The following ARMC8 variants were observed in gnomAD, a reference collection of about 807,000 sequenced individuals.
ARMC8 encodes armadillo repeat-containing protein 8.
In ARMC8, 20 loss-of-function variants were observed where a neutral mutation model predicts 99.3. The observed-to-expected ratio is 0.20, with a 90% CI of 0.14 to 0.29. The LOEUF is 0.29. Ranked by LOEUF, ARMC8 falls within the 10% of genes least tolerant of loss-of-function variation. ARMC8 has a pLI of 1.00. For synonymous variants in ARMC8, 263 were observed against 278.3 expected (o/e 0.95, Z 0.55); for missense variants, 569 against 809.5 (o/e 0.70, Z 3.60).
intron 15 of ARMC8, among the ~76,000 whole-genome samples, chr3:138,267,678 T>G (rs2048398452): frequency 6.6e-6 from 1 of 152,196 alleles, no homozygotes; most frequent in Non-Finnish European, 1.5e-5. Flanking sequence ...ATGGTAGTTG[T>G]TTGGGGAGGG....
chr3:138,216,063 T>C (rs1268045656), intron 2 of ARMC8, among the ~76,000 whole-genome samples: 2 of 150,692 alleles, frequency 1.3e-5, no homozygotes, highest in African/African-American at 4.9e-5. Flanking sequence ...TTTTTTTTTT[T>C]TTTTAAGTAG....
At chr3:138,215,264 T>G (rs777393977) in intron 2 of ARMC8, among the ~76,000 whole-genome samples, 76 of 152,116 alleles carry the variant, frequency 5.0e-4, no homozygotes, top group Non-Finnish European at 9.7e-4. Context: ...TTGCCCAGAC[T>G]GGAGTGCAAT....
In ARMC8 at chr3:138,271,798, C is replaced by CTTTTTTTTTTTTT. The variant is rs776320900; in HGVS notation, c.1480-1166_1480-1154dup. Among the ~76,000 whole-genome samples, 131 of 136,118 alleles carry CTTTTTTTTTTTTT rather than the reference C, an allele frequency of 9.6e-4. 1 individual carries two copies. Among genetic ancestry groups the CTTTTTTTTTTTTT allele is most frequent in the African/African-American group, 3.6e-3 (127 of 35,274 alleles). The allele number at this position is 136,118 out of a possible 152,430, so 89.3% of individuals were successfully genotyped here. ...AGTTCACAAGATTTTTTTTTTCTTT[C>CTTTTTTTTTTTTT]TTTTTTTTTTTTTTTGATACAGAGT... On this transcript the variant is annotated intron_variant, in intron 16 of 21. Coordinates refer to ENST00000469044, the MANE Select transcript of ARMC8 (RefSeq NM_001363941.2).
chr3:138,188,270 C>T (rs2043187643), intron 1 of ARMC8: 1 of 744,390 alleles, frequency 1.3e-6, no homozygotes, highest in Non-Finnish European at 2.0e-6. Context: ...CCTGGTATTC[C>T]GTTTTTCTTT....
intron 2 of ARMC8, among the ~76,000 whole-genome samples, chr3:138,220,617 G>A (rs113211389): frequency 6.6e-6 from 1 of 151,968 alleles, no homozygotes; most frequent in Non-Finnish European, 1.5e-5. Flanking sequence ...TCGTTACCAG[G>A]TTCTTTAATG....
intron 1 of ARMC8, chr3:138,187,862 C>T (rs2043156061): frequency 3.8e-6 from 2 of 529,130 alleles, no homozygotes; most frequent in Non-Finnish European, 6.8e-6. Flanking sequence ...GGTGGCTGGG[C>T]TTATAGACAA....
At chr3:138,277,930 A>G (rs775674762) in intron 18 of ARMC8, among the ~76,000 whole-genome samples, 11 of 152,228 alleles carry the variant, frequency 7.2e-5, no homozygotes, top group Non-Finnish European at 1.6e-4. Context: ...AAGAGGGACA[A>G]ACTGTTGCTG....
At chr3:138,267,280 C>A in intron 15 of ARMC8, 39 bp downstream of exon 15, 1 of 1,251,964 alleles carries the variant, frequency 8.0e-7, no homozygotes, top group Non-Finnish European at 1.1e-6. Context: ...TTGCCCAGTC[C>A]AGCTAGAGCT....
At chr3:138,210,529 G>C (rs570941310) in intron 2 of ARMC8, among the ~76,000 whole-genome samples, 10 of 152,156 alleles carry the variant, frequency 6.6e-5, no homozygotes, top group Middle Eastern at 3.4e-3. Flanking sequence ...TACTCTTAGC[G>C]CATTAGTTCT....
intron 7 of ARMC8, among the ~76,000 whole-genome samples, chr3:138,235,798 C>CTTTTTTTTTTT (rs71146120): frequency 1.2e-4 from 10 of 80,542 alleles, no homozygotes; most frequent in South Asian, 4.8e-4. Flanking sequence ...TCCTTTTAGT[C>CTTTTTTTTTTT]TTTTTTTTTT....
intron 18 of ARMC8, among the ~76,000 whole-genome samples, chr3:138,277,541 A>G (rs2049417725): frequency 6.6e-6 from 1 of 152,242 alleles, no homozygotes; most frequent in Non-Finnish European, 1.5e-5. Context: ...AGAATTCTCA[A>G]AACAACAAGA....
At chr3:138,276,105 GA>G (rs1260787634) in intron 18 of ARMC8, among the ~76,000 whole-genome samples, 1 of 152,168 alleles carries the variant, frequency 6.6e-6, no homozygotes, top group Non-Finnish European at 1.5e-5. Flanking sequence ...AGGGCAAAAT[GA>G]AAGACCAACA....
intron 12 of ARMC8, among the ~76,000 whole-genome samples, chr3:138,247,571 C>A (rs1370499154): frequency 1.3e-5 from 2 of 152,170 alleles, no homozygotes; most frequent in Non-Finnish European, 2.9e-5. Context: ...AACATGTATT[C>A]TAGTGCCCTA....
At chr3:138,196,080 G>A (rs1576577652) in intron 1 of ARMC8, among the ~76,000 whole-genome samples, 1 of 152,090 alleles carries the variant, frequency 6.6e-6, no homozygotes, top group Non-Finnish European at 1.5e-5. Context: ...AGTAATTATC[G>A]AACACATGCT....
chr3:138,296,538 A>T lies in ARMC8; in HGVS notation c.*646A>T, dbSNP rs192441646. On this transcript the variant is annotated 3_prime_UTR_variant, in exon 22 of 22. Coordinates refer to ENST00000469044, the MANE Select transcript of ARMC8 (RefSeq NM_001363941.2). ...ACCTCAACTTACATAGATTTTCTTTATATAAAAAAAAAGAAAAAAAAAGAA... is the reference window on the plus strand; with the variant it reads ...ACCTCAACTTACATAGATTTTCTTTTTATAAAAAAAAAGAAAAAAAAAGAA... 53 of 152,068 alleles carry T rather than the reference A, an allele frequency of 3.5e-4. No homozygotes were observed. Among genetic ancestry groups the T allele is most frequent in the Middle Eastern group, 3.4e-3 (1 of 294 alleles). 9.4% of individuals were successfully genotyped at this position (152,068 alleles called of 1,614,324 possible). A position where few individuals can be genotyped will look rare whatever the true frequency, so the allele number is the denominator to read the frequency against.
chr3:138,187,980 T>C (rs1037433565), intron 1 of ARMC8: 6 of 281,038 alleles, frequency 2.1e-5, no homozygotes, highest in East Asian at 2.1e-4. Context: ...GCGCCGGGCT[T>C]GCAGCCGGCC....
chr3:138,236,346 G>A (rs1444022414), intron 7 of ARMC8, among the ~76,000 whole-genome samples: 1 of 152,178 alleles, frequency 6.6e-6, no homozygotes, highest in African/African-American at 2.4e-5. Context: ...AATTGTTTGG[G>A]TGGCTGTTTA....
At chr3:138,228,880 G>T in intron 5 of ARMC8, 38 bp from the exon 6 acceptor site, 1 of 1,225,820 alleles carries the variant, frequency 8.2e-7, no homozygotes. Flanking sequence ...TGTACTCATG[G>T]TGCCTGAGTT....
chr3:138,281,549 C>T (rs1417196516), intron 18 of ARMC8, among the ~76,000 whole-genome samples: 5 of 152,088 alleles, frequency 3.3e-5, no homozygotes, highest in Admixed American at 6.5e-5. Flanking sequence ...CTTTGGTCTC[C>T]CAGAGTGCTG....
Sources: gnomAD v4.1 joint callset for allele counts (sites outside exome capture counted in the v4.1 genomes callset) on GRCh38, gnomAD v4.1.1 for gene constraint, MANE v1.5 for transcripts, NCBI Gene and HGNC (gene_info 2026-07-23, HGNC 2026-07-21) for gene names.